Variants in SNX7 observed in about 807,000 individuals in gnomAD.
SNX7 encodes sorting nexin-7.
In SNX7, 35 loss-of-function variants were observed where a neutral mutation model predicts 48.4. That is an observed-to-expected ratio of 0.72 (90% CI 0.55 to 0.96). The LOEUF is 0.96. Ranked by LOEUF, SNX7 falls within the 40% of genes least tolerant of loss-of-function variation. SNX7 has a pLI of 0.00. For missense variants in SNX7, 553 were observed against 548.9 expected, an observed-to-expected ratio of 1.01 and a Z score of -0.07; for synonymous variants, 190 against 190.2, an observed-to-expected ratio of 1.00 and a Z score of 0.01.
At chr1:98,748,637 A>AACACACACAC (rs58973289) in intron 8 of SNX7, among the ~76,000 whole-genome samples, 7,087 of 145,794 alleles carry the variant, frequency 0.049, 303 homozygotes, top group East Asian at 0.21. Flanking sequence ...AAATGATTTA[A>AACACACACAC]ACACACACAC....
intron 7 of SNX7, among the ~76,000 whole-genome samples, chr1:98,727,957 G>T (rs1653277075): frequency 6.6e-6 from 1 of 151,976 alleles, no homozygotes; most frequent in South Asian, 2.1e-4. Flanking sequence ...TGTTGGAAAA[G>T]AAACTTCAGA....
Position 98,691,470 on chromosome 1 carries a change from G to A in SNX7, c.475-65G>A, listed in dbSNP as rs191932954. On this transcript the variant is annotated intron_variant, in intron 3 of 8. Coordinates refer to ENST00000306121, the MANE Select transcript of SNX7 (RefSeq NM_015976.5). ...AACTAGTCTTCCAAACAGGGAAAGC[G>A]TAGAATTGCTTATAAACCTATGGCT... 840 of 1,336,996 alleles carry A rather than the reference G, an allele frequency of 6.3e-4. 1 individual carries two copies. Among genetic ancestry groups the A allele is most frequent in the Non-Finnish European group, 7.3e-4 (734 of 1,002,180 alleles). 82.8% of individuals were successfully genotyped at this position (1,336,996 alleles called of 1,614,324 possible). A position where few individuals can be genotyped will look rare whatever the true frequency, so the allele number is the denominator to read the frequency against.
intron 1 of SNX7, among the ~76,000 whole-genome samples, chr1:98,675,376 A>C (rs1650105710): frequency 6.6e-6 from 1 of 152,158 alleles, no homozygotes; most frequent in South Asian, 2.1e-4. Context: ...ATAGTAATTT[A>C]AATCCTTCTA....
At chr1:98,668,091 G>C (rs1319787083) in intron 1 of SNX7, among the ~76,000 whole-genome samples, 2 of 152,110 alleles carry the variant, frequency 1.3e-5, no homozygotes, top group Non-Finnish European at 2.9e-5. Context: ...AGGTGAAATA[G>C]AAAGAAGGTG....
intron 7 of SNX7, among the ~76,000 whole-genome samples, chr1:98,705,676 T>G (rs1252081565): frequency 6.6e-6 from 1 of 152,184 alleles, no homozygotes; most frequent in Non-Finnish European, 1.5e-5. Flanking sequence ...CTAAATTGAT[T>G]AAACCAGATT....
At chr1:98,725,138 C>T (rs1653098232) in intron 7 of SNX7, among the ~76,000 whole-genome samples, 1 of 152,074 alleles carries the variant, frequency 6.6e-6, no homozygotes, top group African/African-American at 2.4e-5. Context: ...TTAAGCTCTC[C>T]TGTTTTAAAT....
intron 7 of SNX7, among the ~76,000 whole-genome samples, chr1:98,713,060 C>T (rs1335813805): frequency 1.4e-5 from 2 of 140,428 alleles, no homozygotes; most frequent in Admixed American, 7.7e-5. Flanking sequence ...CATTGCAGTC[C>T]AGCCTGGGCA....
chr1:98,670,761 C>T lies in SNX7; in HGVS notation c.180+8850C>T, dbSNP rs139893187. 5.8e-3 allele frequency among the ~76,000 whole-genome samples: 877 copies of T among 152,012 alleles called. 9 individuals carry two copies. The highest frequency in any genetic ancestry group is 0.02 in the African/African-American group (829 of 41,462). ...AGAACCTGTCCCCATCATTAAATGA[C>T]ACATGCCTGTATTTGGAAAGGGGAT... On this transcript the variant is annotated intron_variant, in intron 1 of 8. Coordinates refer to ENST00000306121, the MANE Select transcript of SNX7 (RefSeq NM_015976.5).
intron 8 of SNX7, among the ~76,000 whole-genome samples, chr1:98,741,140 T>C (rs998646519): frequency 6.6e-6 from 1 of 152,158 alleles, no homozygotes; most frequent in Non-Finnish European, 1.5e-5. Context: ...TTCATCACAT[T>C]CTAATGGAAA....
At chr1:98,685,734 G>A (rs1650758247) in intron 2 of SNX7, among the ~76,000 whole-genome samples, 1 of 152,022 alleles carries the variant, frequency 6.6e-6, no homozygotes, top group Non-Finnish European at 1.5e-5. Flanking sequence ...TTTCATAAAT[G>A]TAAAAAGTAC....
intron 1 of SNX7, chr1:98,662,198 C>A (rs574900078): frequency 3.5e-6 from 1 of 284,790 alleles, no homozygotes; most frequent in East Asian, 5.8e-5. Flanking sequence ...GATTTGTTTT[C>A]CCTTTCTGCT....
rs59743636 is a variant in SNX7 at position 98,691,937 on chromosome 1, A to ACTCTCTCTCT, written c.639+259_639+268dup. ...TATACACACACACACACACACACAC[A>ACTCTCTCTCT]CTCTCTCTCTCTCTCTCTCTCTCTC... On this transcript the variant is annotated intron_variant, in intron 4 of 8. Coordinates refer to ENST00000306121, the MANE Select transcript of SNX7 (RefSeq NM_015976.5). Among the ~76,000 whole-genome samples the ACTCTCTCTCT allele has an allele frequency of 2.3e-3, 300 of 131,168 alleles. 1 individual carries two copies. The highest frequency in any genetic ancestry group is 6.3e-3 in the African/African-American group (229 of 36,336). 86.1% of individuals were successfully genotyped at this position (131,168 alleles called of 152,430 possible).
At chr1:98,676,307 C>T (rs9324398) in intron 1 of SNX7, among the ~76,000 whole-genome samples, 145,837 of 152,236 alleles carry the variant, frequency 0.96, 69,879 homozygotes, top group East Asian at 1. Flanking sequence ...ATTCATTATA[C>T]CCTCCCATAG....
intron 7 of SNX7, among the ~76,000 whole-genome samples, chr1:98,735,463 A>T (rs1653726551): frequency 6.6e-6 from 1 of 152,200 alleles, no homozygotes; most frequent in Admixed American, 6.6e-5. Context: ...AGAATTGATC[A>T]TACATATTTA....
Position 98,675,925 on chromosome 1 carries a change from C to T in SNX7, c.181-8960C>T, listed in dbSNP as rs568260507. ...GTTTTATCACTACGGTTCTTACTGT[C>T]TCTTAGCACATCATGTACAATGTTG... On this transcript the variant is annotated intron_variant, in intron 1 of 8. Coordinates refer to ENST00000306121, the MANE Select transcript of SNX7 (RefSeq NM_015976.5). 3.3e-5 allele frequency among the ~76,000 whole-genome samples: 5 copies of T among 152,226 alleles called. No individual in the cohort carries two copies. In the South Asian group the frequency reaches 1.0e-3, roughly 32 times the overall value.
intron 7 of SNX7, among the ~76,000 whole-genome samples, chr1:98,715,158 AT>A (rs1192320039): frequency 6.6e-6 from 1 of 152,182 alleles, no homozygotes; most frequent in Non-Finnish European, 1.5e-5. Context: ...TTTTGACAGT[AT>A]TTAGTTAGAT....
chr1:98,723,170 C>CA (rs1451083579), intron 7 of SNX7, among the ~76,000 whole-genome samples: 2 of 151,936 alleles, frequency 1.3e-5, no homozygotes, highest in Non-Finnish European at 1.5e-5. Context: ...AAAACAAAGA[C>CA]AAAAAACAAA....
At chr1:98,664,136 C>T (rs1223738108) in intron 1 of SNX7, among the ~76,000 whole-genome samples, 2 of 152,172 alleles carry the variant, frequency 1.3e-5, no homozygotes, top group Non-Finnish European at 2.9e-5. Context: ...GCAAACTGTC[C>T]TTCCCTTTTA....
At chr1:98,705,648 AG>A (rs1232693366) in intron 7 of SNX7, among the ~76,000 whole-genome samples, 2 of 152,182 alleles carry the variant, frequency 1.3e-5, no homozygotes, top group African/African-American at 4.8e-5. Context: ...GAAAAGCTTT[AG>A]AAGCTCAAAA....
Sources: gnomAD v4.1 joint callset for allele counts (sites outside exome capture counted in the v4.1 genomes callset) on GRCh38, gnomAD v4.1.1 for gene constraint, MANE v1.5 for transcripts, NCBI Gene and HGNC (gene_info 2026-07-23, HGNC 2026-07-21) for gene names.